The following IL1RAPL2 variants were observed in gnomAD, a reference collection of about 807,000 sequenced individuals.
IL1RAPL2 encodes interleukin 1 receptor accessory protein like 2, also known as X-linked interleukin-1 receptor accessory protein-like 2.
Under a neutral mutation model 44.1 loss-of-function variants are expected in IL1RAPL2, and 3 were observed. That is an observed-to-expected ratio of 0.07 (90% confidence interval 0.03 to 0.18). The LOEUF is 0.18. Among genes scored for constraint, IL1RAPL2 ranks in the 10% least tolerant of loss-of-function variants. The pLI, the probability that IL1RAPL2 is intolerant of heterozygous loss-of-function variation, is 1.00. For synonymous variants in IL1RAPL2, 181 were observed against 178.8 expected (o/e 1.01, Z -0.10); for missense variants, 391 against 496.4 (o/e 0.79, Z 2.02).
chrX:105,698,115 A>G (rs750186805), intron 6 of IL1RAPL2, among the ~76,000 whole-genome samples: 2 of 111,610 alleles, frequency 1.8e-5, no homozygotes, highest in South Asian at 7.6e-4. Flanking sequence ...ATAACTTGTC[A>G]TCTTCTACAA....
In IL1RAPL2 at chrX:105,286,075, A is replaced by G. The variant is rs1035504989; in HGVS notation, c.697+18534A>G. 2.6e-4 allele frequency among the ~76,000 whole-genome samples: 29 copies of G among 111,664 alleles called. 1 individual carries two copies. The highest frequency in any genetic ancestry group is 1.8e-3 in the Admixed American group (19 of 10,480). On this transcript the variant is annotated intron_variant, in intron 5 of 10. Coordinates refer to ENST00000372582, the MANE Select transcript of IL1RAPL2 (RefSeq NM_017416.2). ...ATTGTATGCATTACAATATTACCCCACAAACTAGTTTATGAATATTAAAGT... is the reference window on the plus strand; with the variant it reads ...ATTGTATGCATTACAATATTACCCCGCAAACTAGTTTATGAATATTAAAGT...
At chrX:105,644,121 G>C (rs757722968) in intron 6 of IL1RAPL2, among the ~76,000 whole-genome samples, 21 of 111,424 alleles carry the variant, frequency 1.9e-4, no homozygotes, top group Non-Finnish European at 3.0e-4. Flanking sequence ...TCGATCTCCT[G>C]ACCTTATGAT....
intron 2 of IL1RAPL2, among the ~76,000 whole-genome samples, chrX:105,148,438 TGTA>T (rs1395008725): frequency 2.7e-5 from 3 of 112,109 alleles, no homozygotes; most frequent in Non-Finnish European, 3.8e-5. Flanking sequence ...GAATTTGTCA[TGTA>T]GTAGATTTCA....
chrX:105,634,861 C>A (rs1023491403), intron 6 of IL1RAPL2, among the ~76,000 whole-genome samples: 13 of 111,214 alleles, frequency 1.2e-4, no homozygotes, highest in Non-Finnish European at 2.3e-4. Flanking sequence ...TAATTTAATC[C>A]TCATACAAAC....
intron 2 of IL1RAPL2, among the ~76,000 whole-genome samples, chrX:104,834,858 T>G (rs1007472372): frequency 8.9e-6 from 1 of 111,778 alleles, no homozygotes; most frequent in South Asian, 3.8e-4. Flanking sequence ...AAAAGCAAGC[T>G]GCTTCTTTGG....
chrX:105,663,942 T>G (rs1193985974), intron 6 of IL1RAPL2, among the ~76,000 whole-genome samples: 1 of 112,310 alleles, frequency 8.9e-6, no homozygotes, highest in Non-Finnish European at 1.9e-5. Flanking sequence ...TGCCTTTTTA[T>G]TTAGTATTGA....
intron 6 of IL1RAPL2, among the ~76,000 whole-genome samples, chrX:105,520,911 ATTTC>A (rs1356403488): frequency 1.9e-5 from 1 of 53,038 alleles, no homozygotes; most frequent in African/African-American, 7.0e-5. Context: ...TATTATAGCT[ATTTC>A]TTTCTTTCTT....
intron 1 of IL1RAPL2, among the ~76,000 whole-genome samples, chrX:104,631,193 A>G (rs1420631210): frequency 8.9e-6 from 1 of 111,989 alleles, no homozygotes; most frequent in Non-Finnish European, 1.9e-5. Flanking sequence ...GCTGCATAGT[A>G]TTCCATGGTG....
At chrX:104,768,846 CT>C (rs1203120189) in intron 2 of IL1RAPL2, among the ~76,000 whole-genome samples, 1 of 111,357 alleles carries the variant, frequency 9.0e-6, no homozygotes, top group East Asian at 2.8e-4. Context: ...ATGCTTGCCT[CT>C]TTATTCATTG....
At chrX:105,315,438 G>A (rs1195125696) in intron 5 of IL1RAPL2, among the ~76,000 whole-genome samples, 2 of 103,325 alleles carry the variant, frequency 1.9e-5, no homozygotes, top group African/African-American at 6.8e-5. Context: ...TAAAGTGTAT[G>A]ATTCAGTGGC....
chrX:104,894,914 G>A (rs374326512), intron 2 of IL1RAPL2, among the ~76,000 whole-genome samples: 32 of 111,957 alleles, frequency 2.9e-4, no homozygotes, highest in African/African-American at 8.8e-4. Flanking sequence ...CATCTTTGTG[G>A]TTTTATCTAC....
intron 2 of IL1RAPL2, among the ~76,000 whole-genome samples, chrX:105,064,347 C>G (rs770137616): frequency 8.9e-6 from 1 of 112,541 alleles, no homozygotes; most frequent in Non-Finnish European, 1.9e-5. Flanking sequence ...ATGGGTAGTA[C>G]TGCCAGGCTG....
At chrX:105,430,321 T>C (rs773179970) in intron 5 of IL1RAPL2, among the ~76,000 whole-genome samples, 3 of 111,636 alleles carry the variant, frequency 2.7e-5, no homozygotes, top group Non-Finnish European at 5.7e-5. Context: ...AGTGCCTATA[T>C]GGCCACAAAG....
intron 2 of IL1RAPL2, among the ~76,000 whole-genome samples, chrX:104,938,036 T>C (rs1209097197): frequency 8.9e-6 from 1 of 112,596 alleles, no homozygotes; most frequent in East Asian, 2.8e-4. Context: ...TTATTTGATT[T>C]GTGATATCTG....
intron 2 of IL1RAPL2, among the ~76,000 whole-genome samples, chrX:104,678,452 T>TGCTTCTA (rs1412880715): frequency 1.3e-4 from 15 of 111,982 alleles, no homozygotes; most frequent in African/African-American, 4.5e-4. Context: ...TTTATCAGCA[T>TGCTTCTA]GCTTCTATTG....
At chrX:104,665,291 CCTTT>C (rs1343453885) in intron 2 of IL1RAPL2, among the ~76,000 whole-genome samples, 1 of 110,836 alleles carries the variant, frequency 9.0e-6, no homozygotes, top group Admixed American at 9.6e-5. Flanking sequence ...TCTGATATTT[CCTTT>C]CTTTTTCTTT....
chrX:104,585,403 T>TA (rs1474099607), intron 1 of IL1RAPL2, among the ~76,000 whole-genome samples: 2 of 15,419 alleles, frequency 1.3e-4, no homozygotes, highest in African/African-American at 4.9e-4. Context: ...TAATATATAA[T>TA]ATATATATAA....
At chrX:104,965,140 G>A (rs1253912320) in intron 2 of IL1RAPL2, among the ~76,000 whole-genome samples, 3 of 111,836 alleles carry the variant, frequency 2.7e-5, no homozygotes, top group Non-Finnish European at 5.6e-5. Context: ...TTGGATTTTA[G>A]TGGGCTCATA....
At chrX:105,075,319 G>T (rs1308668620) in intron 2 of IL1RAPL2, among the ~76,000 whole-genome samples, 1 of 111,584 alleles carries the variant, frequency 9.0e-6, no homozygotes, top group Non-Finnish European at 1.9e-5. Flanking sequence ...TTTGTCTTTG[G>T]TTCTGTTTAT....
Sources: allele counts gnomAD v4.1 joint callset (sites outside exome capture counted in the v4.1 genomes callset), GRCh38; gene constraint gnomAD v4.1.1; transcripts MANE v1.5; gene names NCBI Gene and HGNC (gene_info 2026-07-23, HGNC 2026-07-21).